Variants in ANK1 observed in about 807,000 individuals in gnomAD.
ANK1 encodes ankyrin-1.
ANK1 carries 51 observed loss-of-function variants against 210.4 expected under a neutral mutation model. The observed-to-expected ratio is 0.24, with a 90% CI of 0.19 to 0.31. The LOEUF (loss-of-function observed/expected upper bound fraction) is 0.31. Ranked by LOEUF, ANK1 falls within the 10% of genes least tolerant of loss-of-function variation. The pLI, the probability that ANK1 is intolerant of heterozygous loss-of-function variation, is 1.00. For synonymous variants in ANK1, 967 were observed against 1,025.9 expected, an observed-to-expected ratio of 0.94 and a Z score of 1.10; for missense variants, 2,051 against 2,504.4, an observed-to-expected ratio of 0.82 and a Z score of 3.86.
In ANK1 at chr8:41,661,062, G is replaced by A. The variant is rs1463972613; in HGVS notation, c.*36+368C>T. 3.2e-5 allele frequency: 7 copies of A among 217,530 alleles called. No individual in the cohort carries two copies. In the East Asian group the frequency reaches 9.4e-4, roughly 29 times the overall value. 13.5% of individuals were successfully genotyped at this position (217,530 alleles called of 1,614,324 possible). On this transcript the variant is annotated intron_variant, in intron 42 of 42. Coordinates refer to ENST00000289734, the MANE Select transcript of ANK1 (RefSeq NM_000037.4). Reference sequence around the variant, plus strand: ...TGGCTTTTTTTTTTCTTTTTTTTGTGATGGGGTCTTGCTCTGTTGCCCAGG... The same window carrying A: ...TGGCTTTTTTTTTTCTTTTTTTTGTAATGGGGTCTTGCTCTGTTGCCCAGG...
chr8:41,709,791 C>G (rs1825655935), intron 16 of ANK1, among the ~76,000 whole-genome samples: 1 of 152,080 alleles, frequency 6.6e-6, no homozygotes, highest in Non-Finnish European at 1.5e-5. Context: ...GAAAAATTAA[C>G]TGGGCATGGT....
intron 1 of ANK1, among the ~76,000 whole-genome samples, chr8:41,879,928 GATTC>G (rs1274812384): frequency 1.3e-5 from 2 of 152,194 alleles, no homozygotes; most frequent in Admixed American, 6.5e-5. Context: ...CAAATTACCA[GATTC>G]ATTCATTCAA....
chr8:41,893,048 C>T (rs1401143914), intron 1 of ANK1, among the ~76,000 whole-genome samples: 5 of 152,134 alleles, frequency 3.3e-5, no homozygotes, highest in Non-Finnish European at 7.3e-5. Context: ...CTCTCCCTAT[C>T]CACTCTTCCT....
intron 38 of ANK1, among the ~76,000 whole-genome samples, chr8:41,670,062 A>G (rs1223675915): frequency 4.6e-5 from 7 of 151,640 alleles, no homozygotes; most frequent in Non-Finnish European, 8.8e-5. Flanking sequence ...TTCTTTCCAC[A>G]CACACGCCTA....
intron 7 of ANK1, among the ~76,000 whole-genome samples, 167 bp downstream of exon 7, chr8:41,724,289 T>TG (rs1363374321): frequency 2.6e-5 from 4 of 152,140 alleles, no homozygotes; most frequent in African/African-American, 9.7e-5. Context: ...AGGTGGAAAC[T>TG]GGGGGGTAGA....
intron 39 of ANK1, chr8:41,664,664 C>T (rs1371069509): frequency 1.9e-5 from 16 of 824,138 alleles, no homozygotes; most frequent in Admixed American, 2.2e-5. Flanking sequence ...CAGGGTGGAA[C>T]ATGATCCCTG....
chr8:41,726,617 C>A (rs1319218223), intron 5 of ANK1, among the ~76,000 whole-genome samples: 4 of 152,062 alleles, frequency 2.6e-5, no homozygotes, highest in African/African-American at 4.8e-5. Flanking sequence ...GAATTCCTGG[C>A]CTCAAGTGAT....
At chr8:41,715,126 GGAGAAA>G in intron 14 of ANK1, 52 bp from the exon 15 acceptor site, 1 of 1,522,370 alleles carries the variant, frequency 6.6e-7, no homozygotes, top group Non-Finnish European at 9.1e-7. Context: ...TGTCCTCCCT[GGAGAAA>G]GGGCCCACAG....
chr8:41,766,730 A>G (rs1317436495), intron 1 of ANK1, among the ~76,000 whole-genome samples: 1 of 152,170 alleles, frequency 6.6e-6, no homozygotes, highest in Non-Finnish European at 1.5e-5. Flanking sequence ...CATTGCTAAA[A>G]TGGGGATCTT....
At chr8:41,879,591 C>T (rs545889277) in intron 1 of ANK1, among the ~76,000 whole-genome samples, 7 of 152,302 alleles carry the variant, frequency 4.6e-5, no homozygotes, top group South Asian at 2.1e-4. Flanking sequence ...TACCCAGGCA[C>T]GCACCAGATT....
Position 41,694,925 on chromosome 8 carries a change from G to A in ANK1, c.3116-122C>T, listed in dbSNP as rs73617344. ...CACACACCCTCCCCAGGTGCCGGGC[G>A]GCATAGTGGCCAGAAGAAGTGGCCA... is the stretch of plus-strand genomic sequence containing the variant. On this transcript the variant is annotated intron_variant, in intron 27 of 42. Coordinates refer to ENST00000289734, the MANE Select transcript of ANK1 (RefSeq NM_000037.4). The surrounding 1 kb of genome is among the most constrained non-coding windows in gnomAD (Gnocchi z 5.7). 7.2e-3 allele frequency: 8,383 copies of A among 1,159,494 alleles called. 337 individuals are homozygous for A. The African/African-American group carries it at 0.098, about 14-fold the overall frequency. 71.8% of individuals were successfully genotyped at this position (1,159,494 alleles called of 1,614,324 possible).
chr8:41,846,435 G>C (rs537580791), intron 1 of ANK1, among the ~76,000 whole-genome samples: 1 of 152,232 alleles, frequency 6.6e-6, no homozygotes, highest in East Asian at 1.9e-4. Flanking sequence ...GCCAAGGCCC[G>C]TGTGGGCTGC....
chr8:41,709,083 G>T (rs1268567304), intron 16 of ANK1, 108 bp from the exon 17 acceptor site: 7 of 1,306,764 alleles, frequency 5.4e-6, no homozygotes, highest in Non-Finnish European at 7.6e-6. Flanking sequence ...GACACCCAGT[G>T]AGCAGGGCTG....
chr8:41,668,354 C>T lies in ANK1; in HGVS notation c.5307G>A (p.Glu1769=). Reference sequence around the variant, plus strand: ...TCCGGTCCCTGTCGGCCTGGGAGCTCTCAGCCTCGGGCTGTTCTGTCCACG... The same window carrying T: ...TCCGGTCCCTGTCGGCCTGGGAGCTTTCAGCCTCGGGCTGTTCTGTCCACG... The part of the protein sequence containing the change: ...EHTWTEQPEA[E]SSQADRDRRQ... Residue 1769 remains glutamate (E), a synonymous_variant, in exon 39 of 43, where the codon GAG becomes GAA. Transcript: ENST00000289734. 6.2e-7 allele frequency: 1 copy of T among 1,614,234 alleles called. No individual in the cohort carries two copies. Among genetic ancestry groups the T allele is most frequent in the Non-Finnish European group, 8.5e-7 (1 of 1,180,034 alleles).
chr8:41,719,018 C>T (rs142448079), intron 10 of ANK1, among the ~76,000 whole-genome samples: 1 of 152,326 alleles, frequency 6.6e-6, no homozygotes, highest in East Asian at 1.9e-4. Context: ...CCATCCTCTG[C>T]CATCCCTGGA....
upstream of ANK1, among the ~76,000 whole-genome samples, chr8:41,799,736 T>C (rs1363714434): frequency 6.6e-6 from 1 of 151,978 alleles, no homozygotes; most frequent in Admixed American, 6.5e-5. Context: ...CAGAACTAGG[T>C]CACCCCAGGC....
chr8:41,772,142 C>A (rs762372614), intron 1 of ANK1, among the ~76,000 whole-genome samples: 1 of 152,172 alleles, frequency 6.6e-6, no homozygotes, highest in East Asian at 1.9e-4. Flanking sequence ...CAATGACCGT[C>A]GCGCTTAACC....
intron 1 of ANK1, among the ~76,000 whole-genome samples, chr8:41,819,290 T>C (rs1451756543): frequency 2.0e-5 from 3 of 152,214 alleles, no homozygotes; most frequent in African/African-American, 7.2e-5. Flanking sequence ...TGTGGTGCAC[T>C]GTCGAGACTG....
At chr8:41,862,077 G>A (rs891635763) in intron 1 of ANK1, among the ~76,000 whole-genome samples, 2 of 152,104 alleles carry the variant, frequency 1.3e-5, no homozygotes, top group Admixed American at 6.5e-5. Flanking sequence ...ACAAAATTTC[G>A]GGGAAATTGG....
Sources: allele counts gnomAD v4.1 joint callset (sites outside exome capture counted in the v4.1 genomes callset), GRCh38; gene constraint gnomAD v4.1.1; non-coding constraint Gnocchi (gnomAD v3.1); transcripts MANE v1.5; gene names NCBI Gene and HGNC (gene_info 2026-07-23, HGNC 2026-07-21).